The following SLC10A7 variants were observed in gnomAD, a reference collection of about 807,000 sequenced individuals.
SLC10A7 encodes the protein sodium/bile acid cotransporter 7.
In SLC10A7, 29 loss-of-function variants were observed where a neutral mutation model predicts 43.2. The observed-to-expected ratio is 0.67, with a 90% CI of 0.50 to 0.92. SLC10A7 has a LOEUF of 0.92. Among genes scored for constraint, SLC10A7 ranks in the 40% least tolerant of loss-of-function variants. SLC10A7 has a pLI of 0.00. For synonymous variants in SLC10A7, 152 were observed against 144.8 expected (o/e 1.05, Z -0.35); for missense variants, 295 against 403.2 (o/e 0.73, Z 2.30).
intron 4 of SLC10A7, among the ~76,000 whole-genome samples, chr4:146,454,452 T>A (rs990692577): frequency 2.0e-5 from 3 of 151,896 alleles, no homozygotes; most frequent in Admixed American, 1.3e-4. Flanking sequence ...AAAGCCAGAA[T>A]AGAATTCATC....
chr4:146,349,850 A>C (rs75637358), intron 5 of SLC10A7, among the ~76,000 whole-genome samples: 1,623 of 152,254 alleles, frequency 0.011, 32 homozygotes, highest in African/African-American at 0.037. Flanking sequence ...GGGATGAAGG[A>C]AGGGAGGCAA....
intron 5 of SLC10A7, among the ~76,000 whole-genome samples, chr4:146,428,177 TC>T (rs1729511087): frequency 6.6e-6 from 1 of 151,872 alleles, no homozygotes. Flanking sequence ...AGACCCTAAC[TC>T]AAAAACAAAC....
At chr4:146,469,516 G>A (rs374243483) in intron 4 of SLC10A7, among the ~76,000 whole-genome samples, 13 of 152,252 alleles carry the variant, frequency 8.5e-5, no homozygotes, top group African/African-American at 2.6e-4. Flanking sequence ...GACATGTGAT[G>A]AATTCCTACT....
rs1035730342 is a variant in SLC10A7 at position 146,446,389 on chromosome 4, C to T, written c.397-3568G>A. On this transcript the variant is annotated intron_variant, in intron 4 of 11. Transcript: ENST00000335472. ...GTCAGGAGTTTGAAACCAGCCTGGC[C>T]AACATGGTGAAACCTGTCTCTCCTA... 4.6e-5 allele frequency among the ~76,000 whole-genome samples: 7 copies of T among 152,046 alleles called. 1 individual carries two copies. The highest frequency in any genetic ancestry group is 4.6e-4 in the Admixed American group (7 of 15,266).
chr4:146,290,414 T>A (rs1353002451), intron 9 of SLC10A7, among the ~76,000 whole-genome samples: 1 of 151,854 alleles, frequency 6.6e-6, no homozygotes, highest in Admixed American at 6.6e-5. Flanking sequence ...GAGAGTTAAT[T>A]TAGGCTTCAG....
intron 4 of SLC10A7, among the ~76,000 whole-genome samples, chr4:146,476,340 C>A (rs1392655638): frequency 6.6e-6 from 1 of 152,116 alleles, no homozygotes; most frequent in South Asian, 2.1e-4. Context: ...GTAAATAAGG[C>A]GGAGGCGAGA....
intron 5 of SLC10A7, among the ~76,000 whole-genome samples, chr4:146,351,509 C>G (rs1441853550): frequency 6.7e-6 from 1 of 149,498 alleles, no homozygotes; most frequent in African/African-American, 2.5e-5. Flanking sequence ...GGCAGGCCAA[C>G]GTTCAGATTC....
At chr4:146,519,722 T>C (rs1239135239) in intron 1 of SLC10A7, among the ~76,000 whole-genome samples, 1 of 152,166 alleles carries the variant, frequency 6.6e-6, no homozygotes, top group Non-Finnish European at 1.5e-5. Context: ...GAATTTTAAA[T>C]ACCCTGGTCT....
rs550839421 is a variant in SLC10A7 at position 146,408,828 on chromosome 4, C to T, written c.435+33955G>A. The T allele has an allele frequency of 6.0e-4, 91 of 152,022 alleles. 1 individual carries two copies. The highest frequency in any genetic ancestry group is 5.9e-3 in the Admixed American group (90 of 15,262). 9.4% of individuals were successfully genotyped at this position (152,022 alleles called of 1,614,324 possible). ...CTTTATTATCTATTAATATCTATAC[C>T]ACTTTAAGCCTTAGTGGGGTGACAT... is the stretch of plus-strand genomic sequence containing the variant. On this transcript the variant is annotated intron_variant, in intron 5 of 11. Transcript: ENST00000335472.
chr4:146,374,921 A>ACCCAC (rs1481367022), intron 5 of SLC10A7, among the ~76,000 whole-genome samples: 3 of 151,934 alleles, frequency 2.0e-5, no homozygotes, highest in African/African-American at 7.2e-5. Context: ...TATCTCAAAA[A>ACCCAC]CCCACTAGGT....
intron 6 of SLC10A7, among the ~76,000 whole-genome samples, chr4:146,310,012 A>G (rs1261396561): frequency 6.6e-6 from 1 of 151,974 alleles, no homozygotes; most frequent in Admixed American, 6.6e-5. Flanking sequence ...TCTTGTTGCC[A>G]TCTTTATGTC....
chr4:146,312,420 C>T (rs948321305), intron 6 of SLC10A7, among the ~76,000 whole-genome samples: 4 of 152,072 alleles, frequency 2.6e-5, no homozygotes, highest in African/African-American at 7.2e-5. Context: ...CACATAGTTA[C>T]CTTTTTGTGT....
Position 146,283,266 on chromosome 4 carries a change from C to G in SLC10A7, c.774-1G>C. 6.2e-7 allele frequency: 1 copy of G among 1,612,684 alleles called. No homozygotes were observed. The highest frequency in any genetic ancestry group is 8.5e-7 in the Non-Finnish European group (1 of 1,179,194). On this transcript the variant is annotated splice_acceptor_variant, in intron 9 of 11. Transcript: ENST00000335472. LOFTEE classifies it high-confidence loss of function. ...TGCTGGTGTGAAACCCGAATTATTC[C>G]TAGGGGCAAAAAAAGATTTTGACAA...
At chr4:146,503,047 A>G (rs1736562359) in intron 4 of SLC10A7, among the ~76,000 whole-genome samples, 1 of 152,264 alleles carries the variant, frequency 6.6e-6, no homozygotes, top group South Asian at 2.1e-4. Flanking sequence ...TGATACTTCC[A>G]TAAACCTGTT....
intron 5 of SLC10A7, among the ~76,000 whole-genome samples, chr4:146,388,567 G>A (rs955030787): frequency 1.3e-5 from 2 of 151,964 alleles, no homozygotes; most frequent in African/African-American, 4.8e-5. Context: ...GACCATCCTG[G>A]CTAACACAGT....
chr4:146,437,887 A>G (rs1323938481), intron 5 of SLC10A7, among the ~76,000 whole-genome samples: 1 of 151,930 alleles, frequency 6.6e-6, no homozygotes, highest in Non-Finnish European at 1.5e-5. Context: ...GTTACCAGGA[A>G]TTTCTCTAAT....
intron 2 of SLC10A7, among the ~76,000 whole-genome samples, chr4:146,512,037 G>A (rs965488824): frequency 4.3e-5 from 6 of 137,944 alleles, no homozygotes; most frequent in South Asian, 2.3e-4. Context: ...GCGATGGTGC[G>A]ATCTCGGCTC....
intron 5 of SLC10A7, among the ~76,000 whole-genome samples, chr4:146,366,396 T>A (rs1344369675): frequency 6.6e-6 from 1 of 152,190 alleles, no homozygotes; most frequent in African/African-American, 2.4e-5. Context: ...CAGCCTTATG[T>A]CATTTCAGGT....
chr4:146,306,066 T>C, intron 6 of SLC10A7, 57 bp from the exon 7 acceptor site: 1 of 1,357,306 alleles, frequency 7.4e-7, no homozygotes. Context: ...CAAGCATTAG[T>C]GTTTATAAAT....
Sources: gnomAD v4.1 joint callset for allele counts (sites outside exome capture counted in the v4.1 genomes callset) on GRCh38, gnomAD v4.1.1 for gene constraint, MANE v1.5 for transcripts, NCBI Gene and HGNC (gene_info 2026-07-23, HGNC 2026-07-21) for gene names.